Variants in LEKR1 observed in about 807,000 individuals in gnomAD.
The protein encoded by LEKR1 is leucine, glutamate and lysine rich 1, also known as protein LEKR1.
Under a neutral mutation model 72.4 loss-of-function variants are expected in LEKR1, and 59 were observed. The ratio of observed to expected loss-of-function variants is 0.82; its 90% CI spans 0.66 to 1.01. The LOEUF (loss-of-function observed/expected upper bound fraction) is 1.01. LEKR1 is among the 50% of genes least tolerant of loss of function. The probability of loss-of-function intolerance (pLI) is 0.00; values close to 1 mark genes in which losing one functional copy is unlikely to be tolerated. For synonymous variants in LEKR1, 257 were observed against 263.2 expected (o/e 0.98, Z 0.23); for missense variants, 728 against 759.2 (o/e 0.96, Z 0.48).
intron 6 of LEKR1, among the ~76,000 whole-genome samples, chr3:156,970,052 G>A (rs985863183): frequency 2.0e-5 from 3 of 152,154 alleles, no homozygotes; most frequent in Non-Finnish European, 4.4e-5. Context: ...TGCAGAAAAG[G>A]CATTTGACAA....
chr3:157,044,863 A>C (rs1431985221), intron 12 of LEKR1, among the ~76,000 whole-genome samples: 1 of 152,160 alleles, frequency 6.6e-6, no homozygotes, highest in Non-Finnish European at 1.5e-5. Context: ...TCAATCTTAT[A>C]CTTCAAGCAC....
In LEKR1 at chr3:156,879,767, A is replaced by G. The variant is rs141482217; in HGVS notation, c.263+26785A>G. ...GTACTTGGTGCCCTGTGTCCTAGACACACTAGCCATGGCTAAAAGGCGCCA... is the reference window on the plus strand; with the variant it reads ...GTACTTGGTGCCCTGTGTCCTAGACGCACTAGCCATGGCTAAAAGGCGCCA... On this transcript the variant is annotated intron_variant, in intron 3 of 12. Coordinates refer to ENST00000356539, the MANE Select transcript of LEKR1 (RefSeq NM_001004316.3). Among the ~76,000 whole-genome samples the G allele has an allele frequency of 2.4e-3, 365 of 152,294 alleles. 2 individuals are homozygous for G. Among genetic ancestry groups the G allele is most frequent in the Non-Finnish European group, 4.0e-3 (269 of 68,028 alleles).
chr3:156,930,998 A>G, intron 5 of LEKR1, among the ~76,000 whole-genome samples: 1 of 152,182 alleles, frequency 6.6e-6, no homozygotes, highest in East Asian at 1.9e-4. Context: ...ACTTGATGGT[A>G]AATGAAGATT....
At chr3:156,931,420 A>G (rs1203942977) in intron 5 of LEKR1, among the ~76,000 whole-genome samples, 1 of 152,196 alleles carries the variant, frequency 6.6e-6, no homozygotes, top group Non-Finnish European at 1.5e-5. Context: ...ACAGCCACTT[A>G]GAGAAAATAT....
At chr3:156,909,775 T>C (rs961173099) in intron 3 of LEKR1, among the ~76,000 whole-genome samples, 2 of 152,194 alleles carry the variant, frequency 1.3e-5, no homozygotes, top group South Asian at 2.1e-4. Flanking sequence ...TTTGTTTTCA[T>C]TGGATTTTTT....
In LEKR1 at chr3:157,024,848, A is replaced by G; in HGVS notation, c.1292A>G (p.Gln431Arg). Reference protein sequence around the residue: ...ALLFKEETKLQLDIEKEKHQD... With the variant: ...ALLFKEETKLRLDIEKEKHQD... ...CTCTTTAAGGAAGAAACAAAATTGCAACTTGATATTGAAAAAGAAAAACAC... is the reference window on the plus strand; with the variant it reads ...CTCTTTAAGGAAGAAACAAAATTGCGACTTGATATTGAAAAAGAAAAACAC... Residue 431 changes from glutamine to arginine, a missense_variant, in exon 11 of 13, where the codon CAA becomes CGA. Gln to Arg is a conservative substitution (Grantham distance 43). Transcript: ENST00000356539. 3 of 1,610,788 alleles carry G rather than the reference A, an allele frequency of 1.9e-6. No homozygotes were observed. Among genetic ancestry groups the G allele is most frequent in the Non-Finnish European group, 2.5e-6 (3 of 1,177,536 alleles).
intron 3 of LEKR1, among the ~76,000 whole-genome samples, chr3:156,916,324 T>C (rs1398791900): frequency 2.6e-5 from 4 of 151,878 alleles, no homozygotes; most frequent in Non-Finnish European, 5.9e-5. Context: ...ACAGGAATAG[T>C]ATTGAATCTC....
intron 3 of LEKR1, among the ~76,000 whole-genome samples, chr3:156,920,183 C>T (rs1439961286): frequency 6.6e-6 from 1 of 151,952 alleles, no homozygotes; most frequent in African/African-American, 2.4e-5. Context: ...TATTCTTTTA[C>T]AGCAACACAA....
chr3:156,993,211 A>G lies in LEKR1; in HGVS notation c.1043A>G (p.Glu348Gly), dbSNP rs1439494337. ...IKRRINLAEN[E>G]LEITKTLLNQ... Reference sequence around the variant, plus strand: ...AGAAGAATTAACCTTGCAGAAAATGAACTGGAGATAACCAAAACTCTTCTG... The same window carrying G: ...AGAAGAATTAACCTTGCAGAAAATGGACTGGAGATAACCAAAACTCTTCTG... The change falls in exon 9 of 13, where the codon GAA becomes GGA. Residue 348 changes from glutamate (E) to glycine (G), a missense_variant. Coordinates refer to ENST00000356539, the MANE Select transcript of LEKR1 (RefSeq NM_001004316.3). 6.2e-7 allele frequency: 1 copy of G among 1,612,732 alleles called. No individual in the cohort carries two copies. The highest frequency in any genetic ancestry group is 8.5e-7 in the Non-Finnish European group (1 of 1,179,402).
At chr3:156,830,899 A>G (rs1368621840) in intron 2 of LEKR1, among the ~76,000 whole-genome samples, 1 of 152,226 alleles carries the variant, frequency 6.6e-6, no homozygotes, top group African/African-American at 2.4e-5. Context: ...GCAGCAGACA[A>G]GTTCCCAGAT....
intron 7 of LEKR1, among the ~76,000 whole-genome samples, chr3:156,990,309 C>T (rs937988726): frequency 3.9e-5 from 6 of 152,196 alleles, no homozygotes; most frequent in Non-Finnish European, 4.4e-5. Context: ...CAATTTGACC[C>T]CAACTGATGA....
At chr3:156,897,686 C>T (rs1173996056) in intron 3 of LEKR1, among the ~76,000 whole-genome samples, 4 of 152,188 alleles carry the variant, frequency 2.6e-5, no homozygotes, top group African/African-American at 7.2e-5. Flanking sequence ...GGTGTGGTGG[C>T]TCACGCCTGT....
At chr3:156,846,595 C>T (rs765484218) in intron 2 of LEKR1, among the ~76,000 whole-genome samples, 10 of 151,928 alleles carry the variant, frequency 6.6e-5, no homozygotes, top group Non-Finnish European at 1.3e-4. Flanking sequence ...TATATATTGC[C>T]CTATCTCAAA....
At chr3:156,898,163 A>C (rs1042979090) in intron 3 of LEKR1, among the ~76,000 whole-genome samples, 4 of 152,144 alleles carry the variant, frequency 2.6e-5, no homozygotes, top group African/African-American at 9.7e-5. Context: ...ATTTTCCCCC[A>C]CAAAGGACAG....
At chr3:157,003,631 C>T (rs1024653014) in intron 9 of LEKR1, among the ~76,000 whole-genome samples, 5 of 152,142 alleles carry the variant, frequency 3.3e-5, no homozygotes, top group African/African-American at 1.2e-4. Context: ...AACCCTCTGC[C>T]CCATCCAGAT....
chr3:156,864,373 G>A (rs1393056324), intron 3 of LEKR1, among the ~76,000 whole-genome samples: 3 of 151,994 alleles, frequency 2.0e-5, no homozygotes, highest in Non-Finnish European at 4.4e-5. Flanking sequence ...TGGCTGCCAG[G>A]AATCTGGCAG....
chr3:156,910,665 T>C (rs1321160019), intron 3 of LEKR1, among the ~76,000 whole-genome samples: 1 of 152,232 alleles, frequency 6.6e-6, no homozygotes. Context: ...GCAAAGGACA[T>C]GACTTCATTC....
At chr3:157,035,768 G>A (rs534590185) in intron 12 of LEKR1, among the ~76,000 whole-genome samples, 1 of 152,188 alleles carries the variant, frequency 6.6e-6, no homozygotes, top group Non-Finnish European at 1.5e-5. Context: ...TCGTGGTGCT[G>A]CACATCTGTA....
At chr3:156,829,416 C>T (rs1406241658) in intron 2 of LEKR1, 39 bp downstream of exon 2, 4 of 1,405,704 alleles carry the variant, frequency 2.8e-6, no homozygotes, top group Non-Finnish European at 3.8e-6. Flanking sequence ...ACAGTGGGAA[C>T]ATGTAGCAGT....
Sources: gnomAD v4.1 joint callset for allele counts (sites outside exome capture counted in the v4.1 genomes callset) on GRCh38, gnomAD v4.1.1 for gene constraint, MANE v1.5 for transcripts, NCBI Gene and HGNC (gene_info 2026-07-23, HGNC 2026-07-21) for gene names.